NRP2: variants seen among roughly 807,000 people sequenced by gnomAD.
The protein encoded by NRP2 is neuropilin 2, also known as neuropilin-2.
Under a neutral mutation model 110.4 loss-of-function variants are expected in NRP2, and 52 were observed. That is an observed-to-expected ratio of 0.47 (90% CI 0.38 to 0.59). NRP2 has a LOEUF of 0.59. Among genes scored for constraint, NRP2 ranks in the 20% least tolerant of loss-of-function variants. NRP2 has a pLI of 0.00. For synonymous variants in NRP2, 508 were observed against 468.9 expected (o/e 1.08, Z -1.08); for missense variants, 1,049 against 1,203.0 (o/e 0.87, Z 1.89).
chr2:205,787,847 G>A (rs899494661), intron 15 of NRP2, among the ~76,000 whole-genome samples: 1 of 151,988 alleles, frequency 6.6e-6, no homozygotes, highest in Non-Finnish European at 1.5e-5. Flanking sequence ...GAATTTCCAG[G>A]CAGCAGGTTG....
At chr2:205,785,904 C>T (rs2058231115) in intron 15 of NRP2, among the ~76,000 whole-genome samples, 1 of 152,068 alleles carries the variant, frequency 6.6e-6, no homozygotes, top group African/African-American at 2.4e-5. Context: ...AAGCCCCCTC[C>T]TTTTTTTTCC....
intron 15 of NRP2, among the ~76,000 whole-genome samples, chr2:205,791,170 C>G (rs548641860): frequency 2.0e-5 from 3 of 152,132 alleles, no homozygotes; most frequent in Non-Finnish European, 4.4e-5. Context: ...GTCTAAAGTT[C>G]TTTTTCTCCC....
chr2:205,689,545 C>A (rs948186363), intron 1 of NRP2, among the ~76,000 whole-genome samples: 1 of 152,146 alleles, frequency 6.6e-6, no homozygotes, highest in African/African-American at 2.4e-5. Flanking sequence ...AAAAATAATT[C>A]TTATTCTCAG....
intron 2 of NRP2, among the ~76,000 whole-genome samples, chr2:205,708,607 C>T (rs1310747874): frequency 4.6e-5 from 7 of 152,208 alleles, no homozygotes; most frequent in Admixed American, 2.6e-4. Flanking sequence ...TCACCATCAT[C>T]GCAGGGCCTT....
intron 15 of NRP2, among the ~76,000 whole-genome samples, chr2:205,775,921 G>A (rs2058090004): frequency 6.6e-6 from 1 of 152,190 alleles, no homozygotes; most frequent in Admixed American, 6.5e-5. Context: ...AAAGAGAAGA[G>A]ATGTGTAATT....
intron 15 of NRP2, chr2:205,776,030 GTC>G: frequency 1.4e-6 from 1 of 707,178 alleles, no homozygotes; most frequent in Non-Finnish European, 2.6e-6. Context: ...TGTAAAATGG[GTC>G]TGACAATAGC....
chr2:205,689,164 A>T (rs148734367), intron 1 of NRP2, among the ~76,000 whole-genome samples: 173 of 152,298 alleles, frequency 1.1e-3, no homozygotes, highest in Non-Finnish European at 1.6e-3. Flanking sequence ...AAATGCTACC[A>T]AGTAGGTTTG....
intron 12 of NRP2, among the ~76,000 whole-genome samples, chr2:205,760,138 A>G (rs2057797506): frequency 6.6e-6 from 1 of 152,192 alleles, no homozygotes; most frequent in Non-Finnish European, 1.5e-5. Context: ...AGGTGACATC[A>G]GGGGAGGCAG....
At chr2:205,792,310 G>T in intron 16 of NRP2, 25 bp downstream of exon 16, 1 of 1,581,136 alleles carries the variant, frequency 6.3e-7, no homozygotes, top group Non-Finnish European at 8.7e-7. Flanking sequence ...GATTTAGCAG[G>T]TAATCGTAAA....
At chr2:205,719,035 G>A (rs1339312006) in intron 3 of NRP2, among the ~76,000 whole-genome samples, 1 of 152,010 alleles carries the variant, frequency 6.6e-6, no homozygotes, top group Admixed American at 6.6e-5. Context: ...GAGCATTCAT[G>A]CAGGTGCCTT....
rs371009028 is a variant in NRP2 at position 205,739,444 on chromosome 2, C to G, written c.1147-1075C>G. ...TTTCCCCAGTTCTCTTGTCCCAGCCCTGTTGGTGCCCCCAAACACTTGGCA... is the reference window on the plus strand; with the variant it reads ...TTTCCCCAGTTCTCTTGTCCCAGCCGTGTTGGTGCCCCCAAACACTTGGCA... On this transcript the variant is annotated intron_variant, in intron 7 of 16. Coordinates refer to ENST00000357785, the MANE Select transcript of NRP2 (RefSeq NM_003872.3). Among the ~76,000 whole-genome samples the G allele has an allele frequency of 1.4e-4, 21 of 152,280 alleles. 2 individuals carry two copies. The highest frequency in any genetic ancestry group is 4.8e-4 in the African/African-American group (20 of 41,550).
At chr2:205,764,942 G>C (rs1347217371) in intron 13 of NRP2, among the ~76,000 whole-genome samples, 25 of 152,210 alleles carry the variant, frequency 1.6e-4, no homozygotes, top group African/African-American at 6.0e-4. Flanking sequence ...CATAGTAGGT[G>C]CTCAGTAAAT....
chr2:205,756,191 G>A (rs2057731954), intron 12 of NRP2, among the ~76,000 whole-genome samples: 1 of 152,062 alleles, frequency 6.6e-6, no homozygotes, highest in African/African-American at 2.4e-5. Flanking sequence ...TTAGCTGCCT[G>A]GAGTGTGTTC....
chr2:205,718,920 C>A (rs193241084), intron 3 of NRP2, among the ~76,000 whole-genome samples: 2 of 138,540 alleles, frequency 1.4e-5, no homozygotes, highest in Admixed American at 1.5e-4. Context: ...CCAGCCTGGA[C>A]GACAAGAGCG....
At chr2:205,788,982 T>C (rs115004748) in intron 15 of NRP2, among the ~76,000 whole-genome samples, 2,911 of 152,302 alleles carry the variant, frequency 0.019, 37 homozygotes, top group Non-Finnish European at 0.027. Context: ...GTGATGCCTG[T>C]CATGGAAAGC....
At chr2:205,788,608 G>A (rs984754908) in intron 15 of NRP2, among the ~76,000 whole-genome samples, 3 of 152,126 alleles carry the variant, frequency 2.0e-5, no homozygotes, top group East Asian at 1.9e-4. Context: ...GAAATCCCCC[G>A]ATGCCCAACT....
In NRP2 at chr2:205,727,881, T is replaced by C; in HGVS notation, c.991-10T>C. ...ATGGTGGTCTCTTACTCCAGCCCTC[T>C]ATTCCCCAGGTGGACCTGCGCTTTT... On this transcript the variant is annotated splice_polypyrimidine_tract_variant and intron_variant, in intron 6 of 16. Coordinates refer to ENST00000357785, the MANE Select transcript of NRP2 (RefSeq NM_003872.3). 2 of 1,611,372 alleles carry C rather than the reference T, an allele frequency of 1.2e-6. No homozygotes were observed. The highest frequency in any genetic ancestry group is 1.7e-6 in the Non-Finnish European group (2 of 1,178,724).
intron 1 of NRP2, 88 bp downstream of exon 1, chr2:205,683,451 A>C: frequency 1.1e-6 from 1 of 907,210 alleles, no homozygotes; most frequent in Non-Finnish European, 1.8e-6. Flanking sequence ...GCAGAACGGC[A>C]CAGAAGAAGG....
chr2:205,740,668 G>C lies in NRP2; in HGVS notation c.1291+5G>C. On this transcript the variant is annotated splice_donor_5th_base_variant and intron_variant, in intron 8 of 16. Transcript: ENST00000357785. ...TCTTCGGCTGCCGGGTCACAGGTGA[G>C]GTGGGGGCTCCAATGAGGTTGGGGT... The C allele has an allele frequency of 6.2e-7, 1 of 1,614,000 alleles. No individual in the cohort carries two copies. Among genetic ancestry groups the C allele is most frequent in the Non-Finnish European group, 8.5e-7 (1 of 1,180,024 alleles).
Sources: gnomAD v4.1 joint callset for allele counts (sites outside exome capture counted in the v4.1 genomes callset) on GRCh38, gnomAD v4.1.1 for gene constraint, MANE v1.5 for transcripts, NCBI Gene and HGNC (gene_info 2026-07-23, HGNC 2026-07-21) for gene names.